EPC1: variants seen among roughly 807,000 people sequenced by gnomAD.
EPC1 encodes enhancer of polycomb homolog 1.
Under a neutral mutation model 98.4 loss-of-function variants are expected in EPC1, and 12 were observed. That is an observed-to-expected ratio of 0.12 (90% CI 0.08 to 0.20). The LOEUF (loss-of-function observed/expected upper bound fraction) is 0.20, where lower values mean the gene tolerates loss of function less well. Among genes scored for constraint, EPC1 ranks in the 10% least tolerant of loss-of-function variants. EPC1 has a pLI of 1.00. For missense variants in EPC1, 729 were observed against 990.5 expected (o/e 0.74, Z 3.54); for synonymous variants, 357 against 363.9 (o/e 0.98, Z 0.21).
chr10:32,350,267 T>C (rs1013872057), upstream of EPC1, among the ~76,000 whole-genome samples: 1 of 152,198 alleles, frequency 6.6e-6, no homozygotes, highest in African/African-American at 2.4e-5. Flanking sequence ...GTACTGTCAT[T>C]GTAGGGGATA....
At chr10:32,371,136 T>C (rs1839737097) in intron 1 of EPC1, among the ~76,000 whole-genome samples, 1 of 152,244 alleles carries the variant, frequency 6.6e-6, no homozygotes, top group South Asian at 2.1e-4. Flanking sequence ...ACTAAAAATT[T>C]CTGAAGTCTC....
intron 1 of EPC1, among the ~76,000 whole-genome samples, chr10:32,335,778 C>T (rs1837921749): frequency 6.6e-6 from 1 of 152,136 alleles, no homozygotes; most frequent in South Asian, 2.1e-4. Context: ...TGATCTTTTC[C>T]TCTACTCCAT....
At chr10:32,276,265 C>A (rs1836088184) in intron 10 of EPC1, among the ~76,000 whole-genome samples, 1 of 152,202 alleles carries the variant, frequency 6.6e-6, no homozygotes, top group Non-Finnish European at 1.5e-5. Flanking sequence ...AATCCCAGCA[C>A]TTTGTGATGC....
At chr10:32,326,633 C>T (rs1419004210) in intron 1 of EPC1, among the ~76,000 whole-genome samples, 2 of 152,078 alleles carry the variant, frequency 1.3e-5, no homozygotes, top group Non-Finnish European at 2.9e-5. Context: ...AGCAAGGAAA[C>T]TTCTCAGAGG....
chr10:32,360,807 T>C (rs1000141739), intron 1 of EPC1, among the ~76,000 whole-genome samples: 8 of 152,122 alleles, frequency 5.3e-5, no homozygotes, highest in Admixed American at 5.2e-4. Context: ...GGCAGGAGAA[T>C]TGCTTGAACC....
intron 1 of EPC1, among the ~76,000 whole-genome samples, chr10:32,319,913 A>C (rs575162865): frequency 3.9e-5 from 6 of 152,266 alleles, no homozygotes; most frequent in African/African-American, 7.2e-5. Flanking sequence ...TCCTGACCTC[A>C]GGTTATCTGC....
intron 10 of EPC1, chr10:32,281,833 C>T (rs1227856020): frequency 1.3e-5 from 2 of 152,128 alleles, no homozygotes; most frequent in Non-Finnish European, 2.9e-5. Context: ...TCATGCCCAG[C>T]TAATTTTTGT....
chr10:32,282,725 AAG>A (rs1279640691), intron 10 of EPC1: 1 of 152,256 alleles, frequency 6.6e-6, no homozygotes. Context: ...TTCATAAAAA[AAG>A]AGCATTATAA....
Position 32,286,798 on chromosome 10 carries a change from T to C in EPC1, c.1287A>G (p.Lys429=), listed in dbSNP as rs1836708871. 1.2e-6 allele frequency: 2 copies of C among 1,614,132 alleles called. No homozygotes were observed. Among genetic ancestry groups the C allele is most frequent in the Non-Finnish European group, 1.7e-6 (2 of 1,180,004 alleles). ...ATCGCACATCCCCTAATCCTCCATC[T>C]TTAGGACTAGTCCAAGGCCAGTTGC... The part of the protein sequence containing the change: ...QTGNWPWTSP[K]DGGLGDVRYR... Residue 429 remains lysine (K), a synonymous_variant, in exon 9 of 14, where the codon AAA becomes AAG. Transcript: ENST00000319778.
intron 1 of EPC1, among the ~76,000 whole-genome samples, chr10:32,325,696 G>C (rs1262595431): frequency 6.6e-6 from 1 of 151,918 alleles, no homozygotes; most frequent in Non-Finnish European, 1.5e-5. Flanking sequence ...TAGAATGAAA[G>C]GCTGATTCTT....
intron 1 of EPC1, among the ~76,000 whole-genome samples, chr10:32,324,408 A>C (rs945629398): frequency 6.6e-6 from 1 of 151,060 alleles, no homozygotes; most frequent in African/African-American, 2.4e-5. Flanking sequence ...GCGGGTGCCT[A>C]TAATCCCAGC....
intron 1 of EPC1, among the ~76,000 whole-genome samples, chr10:32,325,326 T>A (rs1419257768): frequency 6.6e-6 from 1 of 152,240 alleles, no homozygotes; most frequent in Non-Finnish European, 1.5e-5. Flanking sequence ...AAAGATTATT[T>A]ACAACACATA....
intron 1 of EPC1, among the ~76,000 whole-genome samples, chr10:32,371,835 G>A (rs956332620): frequency 3.9e-5 from 6 of 151,990 alleles, no homozygotes; most frequent in Admixed American, 3.3e-4. Context: ...ACCAGGAGGC[G>A]GAGTTTGCAG....
intron 1 of EPC1, among the ~76,000 whole-genome samples, chr10:32,319,713 T>C (rs1243757015): frequency 6.6e-6 from 1 of 152,176 alleles, no homozygotes; most frequent in Non-Finnish European, 1.5e-5. Flanking sequence ...TCTTGCTCTG[T>C]CACCTGGGCT....
intron 2 of EPC1, 69 bp downstream of exon 2, chr10:32,305,703 T>A: frequency 7.4e-7 from 1 of 1,353,410 alleles, no homozygotes; most frequent in Non-Finnish European, 9.7e-7. Context: ...CCTGAAGAGA[T>A]AAAAATCTGT....
chr10:32,271,615 C>T lies in EPC1; in HGVS notation c.2308G>A (p.Ala770Thr), dbSNP rs779431330. ...TTGGAAACTTGACAGTTTGCTGCAG[C>T]GGCCAGCTTTAAGGCAGATGATGGA... Reference protein sequence around the residue: ...AVPSSALKLAAAANCQVSKVP... With the variant: ...AVPSSALKLATAANCQVSKVP... The change falls in exon 13 of 14, where the codon GCT (alanine) becomes ACT (threonine). Residue 770 changes from alanine (A) to threonine (T), a missense_variant. Physicochemically the swap from Ala to Thr is moderately conservative, Grantham distance 58 (BLOSUM62 0). Transcript: ENST00000319778. The T allele has an allele frequency of 1.7e-5, 27 of 1,613,978 alleles. No individual in the cohort carries two copies. The highest frequency in any genetic ancestry group is 5.0e-5 in the Admixed American group (3 of 59,986).
intron 1 of EPC1, among the ~76,000 whole-genome samples, chr10:32,364,175 G>A (rs571840155): frequency 4.6e-5 from 7 of 150,870 alleles, no homozygotes; most frequent in South Asian, 2.1e-4. Flanking sequence ...CCACCACACC[G>A]GCTAATTTTT....
chr10:32,270,558 C>T lies in EPC1; in HGVS notation c.2369+996G>A, dbSNP rs539369371. ...AATAGCTTAACGCCGGGCGTGGTGGCTCATGCCTGTAATTCCAGCACTTTG... is the reference window on the plus strand; with the variant it reads ...AATAGCTTAACGCCGGGCGTGGTGGTTCATGCCTGTAATTCCAGCACTTTG... On this transcript the variant is annotated intron_variant, in intron 13 of 13. Coordinates refer to ENST00000319778, the MANE Select transcript of EPC1 (RefSeq NM_001272004.3). 2.6e-5 allele frequency among the ~76,000 whole-genome samples: 4 copies of T among 152,232 alleles called. No homozygotes were observed. In the South Asian group the frequency reaches 8.3e-4, roughly 32 times the overall value.
At chr10:32,365,185 T>C (rs1245315800) in intron 1 of EPC1, among the ~76,000 whole-genome samples, 6 of 152,178 alleles carry the variant, frequency 3.9e-5, no homozygotes, top group African/African-American at 1.4e-4. Context: ...GGATGGTTAG[T>C]AGAAGTAACT....
Sources: allele counts gnomAD v4.1 joint callset (sites outside exome capture counted in the v4.1 genomes callset), GRCh38; gene constraint gnomAD v4.1.1; transcripts MANE v1.5; gene names NCBI Gene and HGNC (gene_info 2026-07-23, HGNC 2026-07-21).